The following TTC28 variants were observed in gnomAD, a reference collection of about 807,000 sequenced individuals.
TTC28 encodes the protein tetratricopeptide repeat domain 28.
Under a neutral mutation model 198.0 loss-of-function variants are expected in TTC28, and 61 were observed. That is an observed-to-expected ratio of 0.31 (90% CI 0.25 to 0.38). The LOEUF is 0.38. TTC28 is among the 10% of genes least tolerant of loss of function. TTC28 has a pLI of 1.00. For missense variants in TTC28, 2,678 were observed against 3,164.0 expected (o/e 0.85, Z 3.69); for synonymous variants, 1,171 against 1,297.8 (o/e 0.90, Z 2.10).
intron 5 of TTC28, among the ~76,000 whole-genome samples, chr22:28,171,687 CA>C (rs1922695429): frequency 6.8e-6 from 1 of 147,266 alleles, no homozygotes; most frequent in Admixed American, 6.8e-5. Flanking sequence ...GATGTTCTAA[CA>C]AAAAGACTTA....
chr22:28,677,017 T>C (rs2052000246), intron 1 of TTC28, among the ~76,000 whole-genome samples: 2 of 151,528 alleles, frequency 1.3e-5, no homozygotes, highest in Admixed American at 1.3e-4. Flanking sequence ...TAGCCGGGCA[T>C]GGCGGTGGGC....
chr22:28,001,452 G>C lies in TTC28; in HGVS notation c.4320C>G (p.Ser1440Arg). Residue 1440 changes from serine to arginine, a missense_variant, in exon 15 of 23, where the codon AGC becomes AGG. Coordinates refer to ENST00000397906, the MANE Select transcript of TTC28 (RefSeq NM_001145418.2). ...GCTCGTAGAGGTACTCATTGGAGGA[G>C]CTTCCCTTCAGGAGGGCGAAAGGAA... The part of the protein sequence containing the change: ...YLIPFALLKG[S>R]SSNEYLYERF... 3 of 1,551,654 alleles carry C rather than the reference G, an allele frequency of 1.9e-6. No individual in the cohort carries two copies. Among genetic ancestry groups the C allele is most frequent in the Non-Finnish European group, 2.6e-6 (3 of 1,146,996 alleles).
rs574082313 is a variant in TTC28, at chr22:28,469,823, T to A, written c.381+159729A>T. On this transcript the variant is annotated intron_variant, in intron 2 of 22. Coordinates refer to ENST00000397906, the MANE Select transcript of TTC28 (RefSeq NM_001145418.2). ...TTTTAATTTCTAATTTTTTATTTCA[T>A]TTATTATTTTATTTACTTATTTATT... Among the ~76,000 whole-genome samples, 14 of 152,244 alleles carry A rather than the reference T, an allele frequency of 9.2e-5. No individual in the cohort carries two copies. In the South Asian group the frequency reaches 2.9e-3, roughly 32 times the overall value.
chr22:28,257,196 T>C (rs1396737323), intron 5 of TTC28, among the ~76,000 whole-genome samples: 1 of 152,084 alleles, frequency 6.6e-6, no homozygotes, highest in African/African-American at 2.4e-5. Flanking sequence ...GTATGGAAAT[T>C]CCTCAAAAAA....
At chr22:28,121,814 T>C (rs1192820364) in intron 6 of TTC28, among the ~76,000 whole-genome samples, 2 of 152,200 alleles carry the variant, frequency 1.3e-5, no homozygotes, top group Non-Finnish European at 2.9e-5. Context: ...TGTGATCAAT[T>C]AGACAAAAGC....
chr22:28,648,946 G>A (rs957537859), intron 1 of TTC28, among the ~76,000 whole-genome samples: 19 of 151,482 alleles, frequency 1.3e-4, no homozygotes, highest in African/African-American at 3.2e-4. Flanking sequence ...GAGAGAGAGA[G>A]AGAAAGAAAG....
chr22:28,435,466 A>G (rs1181069403), intron 2 of TTC28, among the ~76,000 whole-genome samples: 3 of 152,250 alleles, frequency 2.0e-5, no homozygotes, highest in Admixed American at 1.3e-4. Context: ...CATCAATAAA[A>G]GCAAAGTCTT....
intron 5 of TTC28, among the ~76,000 whole-genome samples, chr22:28,260,399 T>C (rs577599411): frequency 1.3e-5 from 2 of 152,256 alleles, no homozygotes; most frequent in East Asian, 1.9e-4. Flanking sequence ...ATTACATATG[T>C]TTATAAATGC....
At chr22:28,679,120 C>A (rs555908491) in intron 1 of TTC28, among the ~76,000 whole-genome samples, 1 of 152,344 alleles carries the variant, frequency 6.6e-6, no homozygotes, top group East Asian at 1.9e-4. Context: ...GAACGCTTTT[C>A]AAAACAACGC....
intron 5 of TTC28, among the ~76,000 whole-genome samples, chr22:28,201,751 C>CAAAAAAAAAAAAAAAAAAAAAAAAA (rs34790960): frequency 2.5e-5 from 2 of 81,008 alleles, no homozygotes; most frequent in African/African-American, 1.0e-4. Context: ...TTACAGAAAG[C>CAAAAAAAAAAAAAAAAAAAAAAAAA]AAAAAAAAAA....
chr22:27,996,271 AAAG>A lies in TTC28; in HGVS notation c.5120-15_5120-13del. ...GATGAGCATGAACCCTGCAGAAAGC[AAAG>A]GAGGGCACCTCAGCAGGGCAGCTGG... On this transcript the variant is annotated splice_polypyrimidine_tract_variant and intron_variant, in intron 16 of 22. Coordinates refer to ENST00000397906, the MANE Select transcript of TTC28 (RefSeq NM_001145418.2). The A allele has an allele frequency of 6.5e-7, 1 of 1,549,718 alleles. No homozygotes were observed. Among genetic ancestry groups the A allele is most frequent in the Non-Finnish European group, 8.7e-7 (1 of 1,146,542 alleles).
intron 12 of TTC28, among the ~76,000 whole-genome samples, chr22:28,040,456 C>A (rs1011363586): frequency 6.6e-6 from 1 of 152,110 alleles, no homozygotes; most frequent in African/African-American, 2.4e-5. Context: ...TAAATGTAAT[C>A]TATTACATAA....
chr22:28,450,389 C>A (rs2047761988), intron 2 of TTC28, among the ~76,000 whole-genome samples: 1 of 152,152 alleles, frequency 6.6e-6, no homozygotes, highest in Non-Finnish European at 1.5e-5. Context: ...CTGGTTCAAA[C>A]CCTAGATCCA....
chr22:28,251,481 G>A (rs1301996381), intron 5 of TTC28, among the ~76,000 whole-genome samples: 1 of 152,086 alleles, frequency 6.6e-6, no homozygotes, highest in African/African-American at 2.4e-5. Context: ...CCAACACCAG[G>A]TTCAGAAGTA....
At chr22:28,225,835 C>T (rs917244399) in intron 5 of TTC28, among the ~76,000 whole-genome samples, 3 of 152,132 alleles carry the variant, frequency 2.0e-5, no homozygotes, top group Admixed American at 2.0e-4. Context: ...GCTTTCTGTG[C>T]CTAAAGATTA....
intron 5 of TTC28, among the ~76,000 whole-genome samples, chr22:28,266,535 C>G (rs1292635129): frequency 6.6e-6 from 1 of 152,142 alleles, no homozygotes; most frequent in East Asian, 1.9e-4. Context: ...GTGATGCTAG[C>G]ATAAGATTGA....
intron 6 of TTC28, among the ~76,000 whole-genome samples, chr22:28,142,668 TA>T: frequency 6.6e-6 from 1 of 152,164 alleles, no homozygotes; most frequent in Non-Finnish European, 1.5e-5. Flanking sequence ...AAACTCCTGT[TA>T]CTGGAGCCAT....
At chr22:28,393,536 A>G (rs949885968) in intron 2 of TTC28, among the ~76,000 whole-genome samples, 1 of 152,088 alleles carries the variant, frequency 6.6e-6, no homozygotes, top group Non-Finnish European at 1.5e-5. Flanking sequence ...CACACAAAAA[A>G]ATAAAGAACT....
At chr22:28,396,281 T>C (rs2046814115) in intron 2 of TTC28, among the ~76,000 whole-genome samples, 1 of 152,194 alleles carries the variant, frequency 6.6e-6, no homozygotes, top group South Asian at 2.1e-4. Flanking sequence ...AGCCAAAGGT[T>C]ACACTCTCCG....
Sources: allele counts gnomAD v4.1 joint callset (sites outside exome capture counted in the v4.1 genomes callset), GRCh38; gene constraint gnomAD v4.1.1; transcripts MANE v1.5; gene names NCBI Gene and HGNC (gene_info 2026-07-23, HGNC 2026-07-21).